SLC38A11: variants seen among roughly 807,000 people sequenced by gnomAD.
The protein encoded by SLC38A11 is solute carrier family 38 member 11, also known as putative sodium-coupled neutral amino acid transporter 11.
SLC38A11 carries 51 observed loss-of-function variants against 49.4 expected under a neutral mutation model. The observed-to-expected ratio is 1.03, with a 90% CI of 0.83 to 1.30. The LOEUF (loss-of-function observed/expected upper bound fraction) is 1.30, where lower values mean the gene tolerates loss of function less well. Among genes scored for constraint, SLC38A11 ranks in the 50% most tolerant of loss-of-function variants. The pLI, the probability that SLC38A11 is intolerant of heterozygous loss-of-function variation, is 0.00. For synonymous variants in SLC38A11, 203 were observed against 192.9 expected (o/e 1.05, Z -0.43); for missense variants, 574 against 556.2 (o/e 1.03, Z -0.32).
intron 11 of SLC38A11, among the ~76,000 whole-genome samples, chr2:164,901,386 A>G (rs986043695): frequency 8.5e-5 from 13 of 152,148 alleles, no homozygotes; most frequent in Non-Finnish European, 1.6e-4. Flanking sequence ...TCCACAGGAT[A>G]TCTTTCCATT....
rs1220266218 is a variant in SLC38A11 at position 164,896,663 on chromosome 2, A to G, written c.*1774T>C. 2 of 152,168 alleles carry G rather than the reference A, an allele frequency of 1.3e-5. No individual in the cohort carries two copies. The highest frequency in any genetic ancestry group is 4.8e-5 in the African/African-American group (2 of 41,436). The allele number at this position is 152,168 out of a possible 1,614,324, so 9.4% of individuals were successfully genotyped here. A position where few individuals can be genotyped will look rare whatever the true frequency, so the allele number is the denominator to read the frequency against. ...TATGACCCTTAACTATAAAAAAACA[A>G]ATTTATAAGTTAAATACAGAAAAGT... On this transcript the variant is annotated 3_prime_UTR_variant, in exon 12 of 12. Coordinates refer to ENST00000685975, the MANE Select transcript of SLC38A11 (RefSeq NM_001351537.2).
chr2:164,940,228 T>TTATATATATA (rs5836006), intron 5 of SLC38A11, among the ~76,000 whole-genome samples: 10 of 142,220 alleles, frequency 7.0e-5, no homozygotes, highest in South Asian at 2.2e-4. Flanking sequence ...ATAGAAAATT[T>TTATATATATA]TATATATATA....
At chr2:164,907,268 C>CTATT in intron 11 of SLC38A11, among the ~76,000 whole-genome samples, 1 of 96,194 alleles carries the variant, frequency 1.0e-5, no homozygotes, top group East Asian at 3.9e-4. Flanking sequence ...GTCTTCTTTT[C>CTATT]TCTTTTTTTT....
chr2:164,914,979 G>T, intron 9 of SLC38A11, 133 bp downstream of exon 9: 1 of 757,036 alleles, frequency 1.3e-6, no homozygotes. Flanking sequence ...GGGGGCAGGA[G>T]GGTAGAGAGA....
At chr2:164,942,060 T>C (rs1309513785) in intron 5 of SLC38A11, among the ~76,000 whole-genome samples, 1 of 152,174 alleles carries the variant, frequency 6.6e-6, no homozygotes, top group African/African-American at 2.4e-5. Flanking sequence ...TGGGCTTGTC[T>C]GTGTTTTCTA....
At chr2:164,931,286 A>G (rs1279102187) in intron 7 of SLC38A11, among the ~76,000 whole-genome samples, 1 of 147,994 alleles carries the variant, frequency 6.8e-6, no homozygotes, top group Non-Finnish European at 1.5e-5. Flanking sequence ...AAACAAATGG[A>G]AAAAAAAAAT....
intron 7 of SLC38A11, among the ~76,000 whole-genome samples, chr2:164,926,924 A>G (rs74169441): frequency 0.074 from 11,107 of 150,402 alleles, 441 homozygotes; most frequent in Admixed American, 0.1. Flanking sequence ...ATGACGAGTT[A>G]ATGGGTGCAG....
intron 7 of SLC38A11, among the ~76,000 whole-genome samples, chr2:164,921,055 A>T (rs1686166272): frequency 6.6e-6 from 1 of 152,140 alleles, no homozygotes; most frequent in African/African-American, 2.4e-5. Flanking sequence ...AGAAACATAA[A>T]CTTAATTTTA....
chr2:164,934,641 T>A (rs1225362454), intron 7 of SLC38A11, among the ~76,000 whole-genome samples: 1 of 152,204 alleles, frequency 6.6e-6, no homozygotes, highest in Non-Finnish European at 1.5e-5. Context: ...TCCCCCTCAA[T>A]ATTGCCTCAT....
At chr2:164,913,093 G>GT (rs1186556323) in intron 9 of SLC38A11, among the ~76,000 whole-genome samples, 1 of 151,756 alleles carries the variant, frequency 6.6e-6, no homozygotes, top group Non-Finnish European at 1.5e-5. Context: ...CCTCTGTACT[G>GT]TTTTTTTCAT....
intron 6 of SLC38A11, among the ~76,000 whole-genome samples, chr2:164,938,159 G>C (rs1427347107): frequency 6.6e-6 from 1 of 152,014 alleles, no homozygotes; most frequent in African/African-American, 2.4e-5. Context: ...ATATAAAACT[G>C]CTTGTATTTT....
rs1684440791 is a variant in SLC38A11, at chr2:164,898,439, A to T, written c.1387T>A (p.Ter463ArgextTer44). The T allele has an allele frequency of 6.2e-7, 1 of 1,604,940 alleles. No homozygotes were observed. The highest frequency in any genetic ancestry group is 1.7e-5 in the Admixed American group (1 of 59,670). ...LSTLNISIFQ[*>R] ...TACATATTTTTAAAGCAGTCAACTCATTGAAAGATACTAATATTTAAAGTA... is the reference window on the plus strand; with the variant it reads ...TACATATTTTTAAAGCAGTCAACTCTTTGAAAGATACTAATATTTAAAGTA... The change falls in exon 12 of 12, where the codon TGA (stop) becomes AGA (arginine). Residue 463 changes from the stop codon to arginine, a stop_lost. Transcript: ENST00000685975.
At chr2:164,916,650 C>A (rs1685812375) in intron 7 of SLC38A11, among the ~76,000 whole-genome samples, 1 of 152,098 alleles carries the variant, frequency 6.6e-6, no homozygotes, top group African/African-American at 2.4e-5. Context: ...TTTTTCCAGG[C>A]AGAACCATCT....
rs966856549 is a variant in SLC38A11, at chr2:164,946,623, G to A, written c.230-896C>T. ...GAAACTTCAATTGAAGTTAGAGATA[G>A]ATATATACAGAAATTATATAATGAA... On this transcript the variant is annotated intron_variant, in intron 3 of 11. Transcript: ENST00000685975. 1.6e-4 allele frequency among the ~76,000 whole-genome samples: 24 copies of A among 150,558 alleles called. 1 individual carries two copies. Among genetic ancestry groups the A allele is most frequent in the Admixed American group, 1.5e-3 (22 of 15,122 alleles).
At chr2:164,911,396 T>C (rs979236192) in intron 10 of SLC38A11, among the ~76,000 whole-genome samples, 4 of 152,124 alleles carry the variant, frequency 2.6e-5, no homozygotes, top group Admixed American at 6.6e-5. Context: ...CACAGAAATA[T>C]AAGCCAAATC....
chr2:164,930,517 A>G (rs1686926189), intron 7 of SLC38A11, among the ~76,000 whole-genome samples: 1 of 152,088 alleles, frequency 6.6e-6, no homozygotes, highest in Admixed American at 6.6e-5. Context: ...CAAAATAATG[A>G]CAAACCAAAT....
Position 164,898,501 on chromosome 2 carries a change from G to T in SLC38A11, c.1325C>A (p.Thr442Asn). Residue 442 changes from threonine (T) to asparagine (N), a missense_variant, in exon 12 of 12, where the codon ACC becomes AAC. Thr to Asn is a moderately conservative substitution (Grantham distance 65, BLOSUM62 0). Coordinates refer to ENST00000685975, the MANE Select transcript of SLC38A11 (RefSeq NM_001351537.2). ...CFPDNFSLTN[T>N]SESHVQQTTQ... ...TGTCTGCTGAACATGAGACTCTGAG[G>T]TATTTGTGAGAGAGAAATTGTCAGG... 1 of 1,613,418 alleles carries T rather than the reference G, an allele frequency of 6.2e-7. No individual in the cohort carries two copies. The highest frequency in any genetic ancestry group is 8.5e-7 in the Non-Finnish European group (1 of 1,179,598).
chr2:164,929,048 T>C (rs1686797627), intron 7 of SLC38A11, among the ~76,000 whole-genome samples: 1 of 152,164 alleles, frequency 6.6e-6, no homozygotes, highest in Non-Finnish European at 1.5e-5. Flanking sequence ...CTCAAGCCAC[T>C]GTTTTGCCAT....
rs1684392195 is a variant in SLC38A11, at chr2:164,897,181, T to G, written c.*1256A>C. On this transcript the variant is annotated 3_prime_UTR_variant, in exon 12 of 12. Transcript: ENST00000685975. ...CTCAGTAAACCGAGGGCATCTGTGGTGGGCACAGCTGTGTCTCCCAGATAC... is the reference window on the plus strand; with the variant it reads ...CTCAGTAAACCGAGGGCATCTGTGGGGGGCACAGCTGTGTCTCCCAGATAC... 1 of 152,122 alleles carries G rather than the reference T, an allele frequency of 6.6e-6. No individual in the cohort carries two copies. Among genetic ancestry groups the G allele is most frequent in the African/African-American group, 2.4e-5 (1 of 41,434 alleles). 9.4% of individuals were successfully genotyped at this position (152,122 alleles called of 1,614,324 possible). A position where few individuals can be genotyped will look rare whatever the true frequency, so the allele number is the denominator to read the frequency against.
Sources: allele counts gnomAD v4.1 joint callset (sites outside exome capture counted in the v4.1 genomes callset), GRCh38; gene constraint gnomAD v4.1.1; transcripts MANE v1.5; gene names NCBI Gene and HGNC (gene_info 2026-07-23, HGNC 2026-07-21).